RAB10: variants seen among roughly 807,000 people sequenced by gnomAD.
The protein encoded by RAB10 is RAB10, member RAS oncogene family.
Under a neutral mutation model 25.7 loss-of-function variants are expected in RAB10, and 5 were observed. The observed-to-expected ratio is 0.19, with a 90% CI of 0.10 to 0.41. The LOEUF is 0.41. Among genes scored for constraint, RAB10 ranks in the 10% least tolerant of loss-of-function variants. RAB10 has a pLI of 1.00. For synonymous variants in RAB10, 89 were observed against 86.4 expected (o/e 1.03, Z -0.16); for missense variants, 103 against 245.8 (o/e 0.42, Z 3.89).
rs191460301 is a variant in RAB10, at chr2:26,076,032, A to T, written c.128-22630A>T. 1.5e-4 allele frequency among the ~76,000 whole-genome samples: 23 copies of T among 152,258 alleles called. No homozygotes were observed. The East Asian group carries it at 3.3e-3, about 22-fold the overall frequency. On this transcript the variant is annotated intron_variant, in intron 1 of 5. Transcript: ENST00000264710. ...CATTTGGCTCACTAGTGGCAAAGGGATGGATTGGGAGAAGGCTGAAATTGA... is the reference window on the plus strand; with the variant it reads ...CATTTGGCTCACTAGTGGCAAAGGGTTGGATTGGGAGAAGGCTGAAATTGA...
intron 3 of RAB10, among the ~76,000 whole-genome samples, chr2:26,113,210 C>T (rs989155689): frequency 9.2e-5 from 14 of 152,072 alleles, no homozygotes; most frequent in East Asian, 1.9e-4. Context: ...TATTAATAGA[C>T]GACAAAACCA....
intron 3 of RAB10, among the ~76,000 whole-genome samples, chr2:26,123,563 A>G (rs938032950): frequency 2.0e-5 from 3 of 152,254 alleles, no homozygotes; most frequent in Admixed American, 6.5e-5. Flanking sequence ...GAGACTGTGG[A>G]TAAGACAAGA....
rs1490438766 is a variant in RAB10 at position 26,127,114 on chromosome 2, A to T, written c.328-30A>T. 6 of 1,491,202 alleles carry T rather than the reference A, an allele frequency of 4.0e-6. No homozygotes were observed. In the South Asian group the frequency reaches 6.0e-5, roughly 15 times the overall value. The allele number at this position is 1,491,202 out of a possible 1,614,324, so 92.4% of individuals were successfully genotyped here. On this transcript the variant is annotated intron_variant, in intron 3 of 5. Transcript: ENST00000264710. ...CTGTTAAGCCGTAATTCATGGTAGT[A>T]TGTAAAAGTAAAATTTTATTTCATT...
intron 1 of RAB10, among the ~76,000 whole-genome samples, chr2:26,056,060 T>G (rs1666257951): frequency 6.6e-6 from 1 of 151,810 alleles, no homozygotes; most frequent in South Asian, 2.1e-4. Flanking sequence ...ACACCTGGAT[T>G]AGTTTTTTTT....
intron 1 of RAB10, among the ~76,000 whole-genome samples, chr2:26,055,803 T>C (rs1216350459): frequency 6.6e-6 from 1 of 152,010 alleles, no homozygotes; most frequent in African/African-American, 2.4e-5. Context: ...GGATTACAGG[T>C]GTGAGCCACC....
intron 3 of RAB10, among the ~76,000 whole-genome samples, chr2:26,113,257 C>A (rs1050315184): frequency 6.6e-6 from 1 of 151,986 alleles, no homozygotes. Flanking sequence ...AAACATTTGA[C>A]AAAATCCAAC....
chr2:26,108,540 T>C (rs1453500040), intron 2 of RAB10, among the ~76,000 whole-genome samples: 2 of 151,976 alleles, frequency 1.3e-5, no homozygotes, highest in African/African-American at 4.8e-5. Context: ...CTTTGTCTTG[T>C]GGTAGTTACA....
intron 1 of RAB10, among the ~76,000 whole-genome samples, chr2:26,069,280 G>C (rs1666576749): frequency 6.6e-6 from 1 of 152,168 alleles, no homozygotes; most frequent in Non-Finnish European, 1.5e-5. Flanking sequence ...AACCCCAACA[G>C]TTTTAGGATT....
intron 1 of RAB10, among the ~76,000 whole-genome samples, chr2:26,070,010 G>A (rs377543082): frequency 2.6e-5 from 4 of 152,128 alleles, no homozygotes; most frequent in Non-Finnish European, 4.4e-5. Flanking sequence ...CCTGGCCTCC[G>A]ATACTTTTGA....
intron 1 of RAB10, among the ~76,000 whole-genome samples, chr2:26,057,586 T>A (rs1435933852): frequency 2.7e-5 from 2 of 73,304 alleles, no homozygotes; most frequent in African/African-American, 5.0e-5. Context: ...AGTTAAAATT[T>A]GTTTTGTCCC....
At chr2:26,084,443 T>C (rs796669594) in intron 1 of RAB10, among the ~76,000 whole-genome samples, 3 of 152,314 alleles carry the variant, frequency 2.0e-5, no homozygotes, top group African/African-American at 7.2e-5. Flanking sequence ...GTGAATGATA[T>C]CGCAATAATG....
At position 26,034,424 on chromosome 2, in the gene RAB10, C is replaced by T; in HGVS notation, c.-185C>T. On this transcript the variant is annotated 5_prime_UTR_variant, in exon 1 of 6. Transcript: ENST00000264710. The stretch of plus-strand genomic sequence containing the variant: ...GAGCCGCGGTCGCCGCCCTCGGAGG[C>T]ACTGGACGCCGCCACTGTCGGGGCT... 1.3e-6 allele frequency: 1 copy of T among 741,414 alleles called. No individual in the cohort carries two copies. The highest frequency in any genetic ancestry group is 2.1e-6 in the Non-Finnish European group (1 of 466,840). The allele number at this position is 741,414 out of a possible 1,614,324, so 45.9% of individuals were successfully genotyped here. A position where few individuals can be genotyped will look rare whatever the true frequency, so the allele number is the denominator to read the frequency against.
chr2:26,107,486 G>A (rs1388983646), intron 2 of RAB10, among the ~76,000 whole-genome samples: 4 of 151,950 alleles, frequency 2.6e-5, no homozygotes, highest in African/African-American at 9.7e-5. Context: ...AAAGTCAGCA[G>A]TAAAAAGACA....
chr2:26,132,200 T>G (rs1476991594), intron 5 of RAB10, among the ~76,000 whole-genome samples: 2 of 152,254 alleles, frequency 1.3e-5, no homozygotes, highest in African/African-American at 4.8e-5. Context: ...TCTAACAGGT[T>G]AAAAAATGTA....
rs1401545174 is a variant in RAB10 at position 26,034,552 on chromosome 2, T to C, written c.-57T>C. On this transcript the variant is annotated 5_prime_UTR_variant, in exon 1 of 6. Coordinates refer to ENST00000264710, the MANE Select transcript of RAB10 (RefSeq NM_016131.5). ...CGCCCGAGTGAGGAGTTGGCCGTAG[T>C]GAGAGGGACCGATCCCTTGGGGCCG... 11 of 1,608,114 alleles carry C rather than the reference T, an allele frequency of 6.8e-6. No individual in the cohort carries two copies. Among genetic ancestry groups the C allele is most frequent in the Middle Eastern group, 2.2e-4 (1 of 4,468 alleles).
At chr2:26,095,207 C>A (rs958592378) in intron 1 of RAB10, among the ~76,000 whole-genome samples, 3 of 152,164 alleles carry the variant, frequency 2.0e-5, no homozygotes, top group African/African-American at 7.2e-5. Context: ...GCAACTCTCA[C>A]TAAGATTGTA....
chr2:26,079,855 G>A (rs553695225), intron 1 of RAB10, among the ~76,000 whole-genome samples: 143 of 152,108 alleles, frequency 9.4e-4, no homozygotes, highest in South Asian at 4.4e-3. Flanking sequence ...TTGTAGAGAC[G>A]AGGTCTCATT....
intron 1 of RAB10, among the ~76,000 whole-genome samples, chr2:26,073,477 A>G (rs986868638): frequency 1.3e-5 from 2 of 152,200 alleles, no homozygotes; most frequent in Admixed American, 1.3e-4. Context: ...GCCACTGACT[A>G]TGTTGTAGCT....
intron 1 of RAB10, among the ~76,000 whole-genome samples, chr2:26,035,407 C>T (rs1259525470): frequency 6.6e-6 from 1 of 152,162 alleles, no homozygotes; most frequent in Non-Finnish European, 1.5e-5. Flanking sequence ...CAAGCTCTCT[C>T]TTCTATTTTA....
Sources: gnomAD v4.1 joint callset for allele counts (sites outside exome capture counted in the v4.1 genomes callset) on GRCh38, gnomAD v4.1.1 for gene constraint, MANE v1.5 for transcripts, NCBI Gene and HGNC (gene_info 2026-07-23, HGNC 2026-07-21) for gene names.